FAF1: variants seen among roughly 807,000 people sequenced by gnomAD.
FAF1 encodes FAS-associated factor 1.
FAF1 carries 25 observed loss-of-function variants against 92.5 expected under a neutral mutation model. The observed-to-expected ratio is 0.27, with a 90% CI of 0.20 to 0.38. The LOEUF is 0.38. FAF1 is among the 10% of genes least tolerant of loss of function. The pLI is 1.00. For synonymous variants in FAF1, 234 were observed against 273.2 expected (o/e 0.86, Z 1.42); for missense variants, 636 against 793.3 (o/e 0.80, Z 2.38).
chr1:50,915,746 T>G (rs1334206512), intron 1 of FAF1, among the ~76,000 whole-genome samples: 3 of 152,300 alleles, frequency 2.0e-5, no homozygotes, highest in African/African-American at 7.2e-5. Flanking sequence ...TCTAGAGATG[T>G]TGAAATAAAT....
At chr1:50,529,401 T>C (rs1648016163) in intron 15 of FAF1, among the ~76,000 whole-genome samples, 1 of 152,218 alleles carries the variant, frequency 6.6e-6, no homozygotes, top group South Asian at 2.1e-4. Context: ...CAATCCTTAT[T>C]ATCTATTAAC....
chr1:50,744,154 ACT>A (rs764266944), intron 5 of FAF1, among the ~76,000 whole-genome samples: 7 of 152,146 alleles, frequency 4.6e-5, no homozygotes, highest in Admixed American at 1.3e-4. Context: ...AAATTGCAAT[ACT>A]CTCTGCAAAT....
chr1:50,544,215 C>A (rs550186593), intron 13 of FAF1, among the ~76,000 whole-genome samples: 2 of 152,222 alleles, frequency 1.3e-5, no homozygotes, highest in African/African-American at 4.8e-5. Context: ...ATAGCATAAT[C>A]CTAAATCTTT....
intron 1 of FAF1, among the ~76,000 whole-genome samples, chr1:50,938,235 C>T (rs1365683294): frequency 2.0e-5 from 3 of 152,210 alleles, no homozygotes; most frequent in African/African-American, 4.8e-5. Context: ...CAGTTTCACA[C>T]ATTTCCCATG....
intron 13 of FAF1, among the ~76,000 whole-genome samples, chr1:50,540,609 A>T (rs1648714293): frequency 6.6e-6 from 1 of 152,204 alleles, no homozygotes; most frequent in Non-Finnish European, 1.5e-5. Context: ...CACGATCTGG[A>T]ATAAATGAAA....
rs371190715 is a variant in FAF1 at position 50,567,116 on chromosome 1, G to T, written c.1229C>A (p.Thr410Asn). The T allele has an allele frequency of 6.2e-7, 1 of 1,609,524 alleles. No homozygotes were observed. The change falls in exon 13 of 19, where the codon ACC becomes AAC. Residue 410 changes from threonine to asparagine, a missense_variant. Around this residue, in one of 2 missense-constraint regions of FAF1, gnomAD observed 319 missense variants for 451.0 expected, o/e 0.71. Transcript: ENST00000396153. ...GTCCTTTGTCAGATCCCAAGCCCAG[G>T]TTATAAAATTTTGACTCAGATAAGA... ...IVSYLSQNFI[T>N]WAWDLTKDSN...
chr1:50,953,695 C>T (rs146043680), intron 1 of FAF1, among the ~76,000 whole-genome samples: 1,619 of 151,702 alleles, frequency 0.011, 23 homozygotes, highest in African/African-American at 0.035. Flanking sequence ...GCCAAGATCA[C>T]GCCACTGCAC....
intron 6 of FAF1, 88 bp downstream of exon 6, chr1:50,738,775 A>T (rs535565889): frequency 3.7e-6 from 3 of 811,586 alleles, no homozygotes; most frequent in Non-Finnish European, 6.1e-6. Flanking sequence ...CTTGTATTTG[A>T]TTTAATTTTG....
intron 4 of FAF1, among the ~76,000 whole-genome samples, chr1:50,765,590 C>T (rs1021763162): frequency 2.0e-5 from 3 of 152,090 alleles, no homozygotes; most frequent in African/African-American, 7.2e-5. Flanking sequence ...CAGAATGTAG[C>T]ACATTACTGC....
rs1287602597 is a variant in FAF1 at position 50,856,466 on chromosome 1, T to G, written c.114+1463A>C. On this transcript the variant is annotated intron_variant, in intron 2 of 18. Coordinates refer to ENST00000396153, the MANE Select transcript of FAF1 (RefSeq NM_007051.3). ...TTTGTTGGAGTATAGCAACAATGGT[T>G]AAAAGCATGAATTTAGAGTCAAGCT... Among the ~76,000 whole-genome samples, 3 of 151,806 alleles carry G rather than the reference T, an allele frequency of 2.0e-5. No individual in the cohort carries two copies. In the East Asian group the frequency reaches 5.8e-4, roughly 29 times the overall value.
chr1:50,759,406 G>A (rs1165102276), intron 4 of FAF1, among the ~76,000 whole-genome samples: 8 of 149,222 alleles, frequency 5.4e-5, no homozygotes, highest in Non-Finnish European at 1.2e-4. Flanking sequence ...GCAGTGTTTG[G>A]TTTTTTGTTC....
intron 4 of FAF1, among the ~76,000 whole-genome samples, chr1:50,766,212 G>A (rs1660565202): frequency 6.6e-6 from 1 of 152,062 alleles, no homozygotes; most frequent in South Asian, 2.1e-4. Context: ...TTTTTCTCAA[G>A]CACAATTATC....
chr1:50,809,073 A>G (rs1225040377), intron 2 of FAF1, among the ~76,000 whole-genome samples: 1 of 152,186 alleles, frequency 6.6e-6, no homozygotes, highest in Non-Finnish European at 1.5e-5. Context: ...ATTATTAGAC[A>G]GATCATCAAA....
chr1:50,926,507 T>C (rs1226202890), intron 1 of FAF1, among the ~76,000 whole-genome samples: 1 of 152,164 alleles, frequency 6.6e-6, no homozygotes, highest in Non-Finnish European at 1.5e-5. Flanking sequence ...TCTGGTGTTC[T>C]ACAGCGCTGT....
chr1:50,594,989 G>T (rs767440600), intron 9 of FAF1, among the ~76,000 whole-genome samples: 1 of 151,418 alleles, frequency 6.6e-6, no homozygotes, highest in Non-Finnish European at 1.5e-5. Context: ...GTTTCTTTAG[G>T]ACCCCTGTGT....
Position 50,583,724 on chromosome 1 carries a change from C to T in FAF1, c.968-9G>A, listed in dbSNP as rs1558004286. 6.4e-7 allele frequency: 1 copy of T among 1,560,382 alleles called. No individual in the cohort carries two copies. Among genetic ancestry groups the T allele is most frequent in the Non-Finnish European group, 8.7e-7 (1 of 1,149,792 alleles). On this transcript the variant is annotated splice_polypyrimidine_tract_variant and intron_variant, in intron 10 of 18. Coordinates refer to ENST00000396153, the MANE Select transcript of FAF1 (RefSeq NM_007051.3). This position sits in a 1 kb window ranked among gnomAD's most constrained non-coding sequence, Gnocchi z 4.2. Reference sequence around the variant, plus strand: ...TTCTGCGTTTTCTGGCACTAAAAAACAAACAAAAGAAAAAACAAAAACAAA... The same window carrying T: ...TTCTGCGTTTTCTGGCACTAAAAAATAAACAAAAGAAAAAACAAAAACAAA...
intron 7 of FAF1, among the ~76,000 whole-genome samples, chr1:50,698,785 T>C (rs1405258598): frequency 6.6e-6 from 1 of 152,124 alleles, no homozygotes; most frequent in Non-Finnish European, 1.5e-5. Flanking sequence ...TACATTAATA[T>C]GAATCAAATT....
intron 18 of FAF1, among the ~76,000 whole-genome samples, chr1:50,458,656 G>C (rs113550922): frequency 1.1e-3 from 163 of 152,304 alleles, no homozygotes; most frequent in African/African-American, 3.7e-3. Flanking sequence ...TACAATGATG[G>C]GTTTTCTCAT....
chr1:50,829,335 G>A (rs1024564088), intron 2 of FAF1, among the ~76,000 whole-genome samples: 1 of 152,192 alleles, frequency 6.6e-6, no homozygotes, highest in African/African-American at 2.4e-5. Context: ...CTGTTGTGTG[G>A]TGGGGTAAAA....
Sources: gnomAD v4.1 joint callset for allele counts (sites outside exome capture counted in the v4.1 genomes callset) on GRCh38, gnomAD v4.1.1 for gene constraint, gnomAD v4.1.1 regional missense constraint, Gnocchi (gnomAD v3.1) non-coding constraint, MANE v1.5 for transcripts, NCBI Gene and HGNC (gene_info 2026-07-23, HGNC 2026-07-21) for gene names.